SHISA9: variants seen among roughly 807,000 people sequenced by gnomAD.
SHISA9 encodes the protein protein shisa-9.
In SHISA9, 13 loss-of-function variants were observed where a neutral mutation model predicts 38.0. The ratio of observed to expected loss-of-function variants is 0.34; its 90% CI spans 0.22 to 0.54. The LOEUF (loss-of-function observed/expected upper bound fraction) is 0.54. SHISA9 is among the 20% of genes least tolerant of loss of function. The pLI is 0.91. For missense variants in SHISA9, 538 were observed against 575.8 expected (o/e 0.93, Z 0.67); for synonymous variants, 275 against 242.0 (o/e 1.14, Z -1.27).
chr16:12,974,036 GGTC>G (rs2141815151), intron 2 of SHISA9, among the ~76,000 whole-genome samples: 1 of 152,274 alleles, frequency 6.6e-6, no homozygotes, highest in South Asian at 2.1e-4. Flanking sequence ...ACAAGTCAAG[GGTC>G]TCCAGCACTG....
At chr16:13,134,465 T>C (rs1028226963) in intron 2 of SHISA9, among the ~76,000 whole-genome samples, 1 of 152,126 alleles carries the variant, frequency 6.6e-6, no homozygotes, top group African/African-American at 2.4e-5. Context: ...GGAGGGGTTA[T>C]TTCTGCCTAT....
chr16:13,424,753 G>A, the SHISA9 span, among the ~76,000 whole-genome samples: 1 of 152,262 alleles, frequency 6.6e-6, no homozygotes, highest in Non-Finnish European at 1.5e-5. Flanking sequence ...AAATCGGCAT[G>A]GCTATGTCTC....
At chr16:13,058,708 C>T (rs896411857) in intron 2 of SHISA9, among the ~76,000 whole-genome samples, 2 of 151,982 alleles carry the variant, frequency 1.3e-5, no homozygotes, top group African/African-American at 4.8e-5. Context: ...GGGCTGCCAT[C>T]CCCCATGATG....
chr16:12,969,167 A>G (rs1314780064), intron 2 of SHISA9, among the ~76,000 whole-genome samples: 1 of 151,612 alleles, frequency 6.6e-6, no homozygotes, highest in East Asian at 1.9e-4. Flanking sequence ...AAAAGAAAAA[A>G]AAAAAAAGAA....
intron 2 of SHISA9, among the ~76,000 whole-genome samples, chr16:13,047,324 C>G (rs1477124281): frequency 1.3e-5 from 2 of 150,808 alleles, no homozygotes; most frequent in Admixed American, 6.6e-5. Context: ...TCAATCAGAC[C>G]ATTAAAAAAA....
chr16:13,406,148 CA>C, the SHISA9 span, among the ~76,000 whole-genome samples: 1 of 152,068 alleles, frequency 6.6e-6, no homozygotes, highest in South Asian at 2.1e-4. Flanking sequence ...TGACTTTTTG[CA>C]AAAATTCACC....
chr16:12,981,727 C>T (rs568881106), intron 2 of SHISA9, among the ~76,000 whole-genome samples: 5 of 152,232 alleles, frequency 3.3e-5, no homozygotes, highest in African/African-American at 9.6e-5. Context: ...TGACTATATT[C>T]GGAGACAGGG....
At chr16:13,429,576 T>A in the SHISA9 span, among the ~76,000 whole-genome samples, 37 of 152,278 alleles carry the variant, frequency 2.4e-4, no homozygotes, top group African/African-American at 8.7e-4. Flanking sequence ...TACTCCAGCA[T>A]CACTTCTTCT....
At chr16:13,181,332 CACAT>C (rs1449312434) in intron 2 of SHISA9, among the ~76,000 whole-genome samples, 5 of 132,948 alleles carry the variant, frequency 3.8e-5, no homozygotes, top group Admixed American at 7.6e-5. Flanking sequence ...CACACACACA[CACAT>C]ATACGAGCAA....
Position 13,239,352 on chromosome 16 carries a change from A to T in SHISA9, c.*3943A>T, listed in dbSNP as rs1367640844. 1 of 151,300 alleles carries T rather than the reference A, an allele frequency of 6.6e-6. No individual in the cohort carries two copies. Among genetic ancestry groups the T allele is most frequent in the Non-Finnish European group, 1.5e-5 (1 of 67,842 alleles). 9.4% of individuals were successfully genotyped at this position (151,300 alleles called of 1,614,324 possible). A position where few individuals can be genotyped will look rare whatever the true frequency, so the allele number is the denominator to read the frequency against. ...TTTATAGTCCTTTGGGTATATACCCAGTAATGGGATGGCTGGGTCAAATGG... is the reference window on the plus strand; with the variant it reads ...TTTATAGTCCTTTGGGTATATACCCTGTAATGGGATGGCTGGGTCAAATGG... On this transcript the variant is annotated 3_prime_UTR_variant, in exon 5 of 5. Coordinates refer to ENST00000558583, the MANE Select transcript of SHISA9 (RefSeq NM_001145204.3).
chr16:12,976,723 G>T (rs2072167035), intron 2 of SHISA9, among the ~76,000 whole-genome samples: 1 of 152,112 alleles, frequency 6.6e-6, no homozygotes, highest in Non-Finnish European at 1.5e-5. Context: ...CAGGTTTCAA[G>T]CAGGTGAGTG....
At chr16:13,045,003 C>T (rs2073170730) in intron 2 of SHISA9, among the ~76,000 whole-genome samples, 1 of 152,188 alleles carries the variant, frequency 6.6e-6, no homozygotes, top group South Asian at 2.1e-4. Context: ...TGCTGCTCTA[C>T]CACTTCTCAG....
chr16:13,015,364 T>G (rs994879132), intron 2 of SHISA9, among the ~76,000 whole-genome samples: 1 of 152,232 alleles, frequency 6.6e-6, no homozygotes, highest in Non-Finnish European at 1.5e-5. Flanking sequence ...TTAATAGTCT[T>G]GTGACAATCT....
the SHISA9 span, among the ~76,000 whole-genome samples, chr16:13,529,165 G>GT: frequency 6.6e-6 from 1 of 152,100 alleles, no homozygotes; most frequent in Non-Finnish European, 1.5e-5. Flanking sequence ...AATAGCAATC[G>GT]TAAGACTGAT....
intron 2 of SHISA9, among the ~76,000 whole-genome samples, chr16:13,032,166 C>T (rs973980207): frequency 6.6e-6 from 1 of 152,004 alleles, no homozygotes; most frequent in Non-Finnish European, 1.5e-5. Context: ...TAATGCTTTC[C>T]CTCCTCTTGC....
At chr16:13,392,569 A>C in the SHISA9 span, among the ~76,000 whole-genome samples, 1 of 152,312 alleles carries the variant, frequency 6.6e-6, no homozygotes, top group African/African-American at 2.4e-5. Flanking sequence ...CAGATCACTT[A>C]GAGGTCAAAC....
At chr16:13,069,257 G>A (rs2073478907) in intron 2 of SHISA9, among the ~76,000 whole-genome samples, 1 of 152,104 alleles carries the variant, frequency 6.6e-6, no homozygotes, top group Non-Finnish European at 1.5e-5. Flanking sequence ...GTATATGTGT[G>A]TACATGCAAT....
the SHISA9 span, among the ~76,000 whole-genome samples, chr16:13,519,608 A>G: frequency 6.6e-6 from 1 of 152,234 alleles, no homozygotes; most frequent in African/African-American, 2.4e-5. Flanking sequence ...CTATGAAGAA[A>G]TACCCGAGAC....
At chr16:13,014,126 G>C (rs1395293620) in intron 2 of SHISA9, among the ~76,000 whole-genome samples, 1 of 152,134 alleles carries the variant, frequency 6.6e-6, no homozygotes, top group Non-Finnish European at 1.5e-5. Context: ...AATCCTACAA[G>C]GCTATTATCC....
Sources: gnomAD v4.1 joint callset for allele counts (sites outside exome capture counted in the v4.1 genomes callset) on GRCh38, gnomAD v4.1.1 for gene constraint, MANE v1.5 for transcripts, NCBI Gene and HGNC (gene_info 2026-07-23, HGNC 2026-07-21) for gene names.